The following TMEM150B variants were observed in gnomAD, a reference collection of about 807,000 sequenced individuals.
TMEM150B encodes the protein transmembrane protein 150B, also known as modulator of macroautophagy TMEM150B.
TMEM150B carries 33 observed loss-of-function variants against 25.2 expected under a neutral mutation model. That is an observed-to-expected ratio of 1.31 (90% CI 0.99 to 1.75). The LOEUF is 1.75. TMEM150B is among the 40% of genes most tolerant of loss of function. TMEM150B has a pLI of 0.00. For missense variants in TMEM150B, 322 were observed against 306.1 expected, an observed-to-expected ratio of 1.05 and a Z score of -0.39; for synonymous variants, 133 against 134.8, an observed-to-expected ratio of 0.99 and a Z score of 0.09.
chr19:55,323,832 A>T, intron 1 of TMEM150B, among the ~76,000 whole-genome samples: 1 of 110,224 alleles, frequency 9.1e-6, no homozygotes, highest in African/African-American at 3.6e-5. Flanking sequence ...TCTGAAACAG[A>T]GTCTCCCTCT....
downstream of TMEM150B, chr19:55,311,759 G>T: frequency 1.3e-6 from 1 of 791,060 alleles, no homozygotes; most frequent in Non-Finnish European, 2.0e-6. Flanking sequence ...TCAAGGCCAG[G>T]TGCTGGACGG....
downstream of TMEM150B, among the ~76,000 whole-genome samples, chr19:55,309,986 A>C (rs1333944772): frequency 6.6e-6 from 1 of 152,142 alleles, no homozygotes; most frequent in Non-Finnish European, 1.5e-5. Flanking sequence ...CGTTGAAAGG[A>C]AACGGCCCAG....
chr19:55,316,442 A>G (rs890771130), intron 7 of TMEM150B, among the ~76,000 whole-genome samples: 4 of 152,060 alleles, frequency 2.6e-5, no homozygotes, highest in African/African-American at 9.7e-5. Context: ...GTCACTCGCT[A>G]TGTGCCAGGC....
chr19:55,310,826 C>G (rs564814760), downstream of TMEM150B, among the ~76,000 whole-genome samples: 1 of 152,260 alleles, frequency 6.6e-6, no homozygotes, highest in African/African-American at 2.4e-5. The surrounding 1 kb of genome is among the most constrained non-coding windows in gnomAD (Gnocchi z 5.0). Context: ...AACCAGGGGT[C>G]TCAAAACGGG....
intron 6 of TMEM150B, among the ~76,000 whole-genome samples, chr19:55,319,185 C>G (rs1055338670): frequency 6.6e-6 from 1 of 152,142 alleles, no homozygotes; most frequent in Non-Finnish European, 1.5e-5. Context: ...GGTCTCGGCT[C>G]AATGCAACCT....
At chr19:55,314,221 C>T (rs1299289272) in intron 7 of TMEM150B, among the ~76,000 whole-genome samples, 4 of 152,094 alleles carry the variant, frequency 2.6e-5, no homozygotes, top group African/African-American at 7.2e-5. Flanking sequence ...AGAGTTTCAC[C>T]GTGTTGGCCA....
At chr19:55,324,962 C>CT in intron 1 of TMEM150B, 1 of 837,834 alleles carries the variant, frequency 1.2e-6, no homozygotes, top group African/African-American at 1.8e-5. Context: ...TCCATGCTAC[C>CT]TGCTCCTCCG....
At chr19:55,309,713 C>T (rs2088738821), downstream of TMEM150B, among the ~76,000 whole-genome samples, 1 of 152,186 alleles carries the variant, frequency 6.6e-6, no homozygotes, top group Non-Finnish European at 1.5e-5. Context: ...TGGGTTTCAG[C>T]ACATGAATTT....
intron 2 of TMEM150B, among the ~76,000 whole-genome samples, 154 bp downstream of exon 2, chr19:55,322,494 C>T (rs1014005157): frequency 7.9e-5 from 12 of 152,034 alleles, no homozygotes; most frequent in Admixed American, 7.2e-4. Flanking sequence ...GGGGTCTGAT[C>T]TAATCGGCCA....
At chr19:55,322,778 G>A in intron 1 of TMEM150B, 35 bp from the exon 2 acceptor site, 1 of 969,964 alleles carries the variant, frequency 1.0e-6, no homozygotes, top group South Asian at 4.8e-5. Flanking sequence ...AGGACTGCCT[G>A]GGTCCTTTGG....
chr19:55,318,999 G>A (rs2089099900), intron 6 of TMEM150B, among the ~76,000 whole-genome samples: 1 of 152,104 alleles, frequency 6.6e-6, no homozygotes, highest in South Asian at 2.1e-4. Context: ...TAGAGACAGA[G>A]TCTTGCTATG....
downstream of TMEM150B, chr19:55,312,148 C>G (rs534470101): frequency 9.9e-5 from 64 of 643,982 alleles, no homozygotes; most frequent in African/African-American, 1.1e-3. Context: ...AAATAAGGCC[C>G]AAGGAACATG....
intron 2 of TMEM150B, 31 bp from the exon 3 acceptor site, chr19:55,321,124 G>A (rs1016389643): frequency 1.1e-5 from 16 of 1,511,220 alleles, no homozygotes; most frequent in Admixed American, 4.6e-5. Context: ...GAGGGCCCAG[G>A]TGCATGAGAT....
chr19:55,325,230 C>A, intron 1 of TMEM150B, 42 bp downstream of exon 1: 2 of 976,834 alleles, frequency 2.0e-6, no homozygotes, highest in Non-Finnish European at 2.4e-6. Context: ...AGGGCTCCAG[C>A]CTGCCGAGCT....
downstream of TMEM150B, chr19:55,312,036 C>T (rs766946093): frequency 2.7e-5 from 40 of 1,490,292 alleles, no homozygotes; most frequent in Admixed American, 9.8e-5. Context: ...GGACAAGAAG[C>T]TCCTGGCCAC....
chr19:55,319,987 T>TG (rs762608963), intron 6 of TMEM150B, 52 bp downstream of exon 6: 5 of 1,610,626 alleles, frequency 3.1e-6, no homozygotes, highest in Non-Finnish European at 4.2e-6. Flanking sequence ...TGCTGGGAGT[T>TG]GTAGTTCCAG....
At chr19:55,312,342 C>T (rs1291212727), downstream of TMEM150B, 19 of 190,880 alleles carry the variant, frequency 1.0e-4, no homozygotes, top group Non-Finnish European at 1.3e-4. Flanking sequence ...GGGGGAGGGA[C>T]GGGAGCTGGT....
downstream of TMEM150B, among the ~76,000 whole-genome samples, chr19:55,311,337 T>C (rs2088789280): frequency 6.6e-6 from 1 of 152,022 alleles, no homozygotes; most frequent in Non-Finnish European, 1.5e-5. Context: ...CCATGGAAAT[T>C]GCTGGAGACC....
intron 1 of TMEM150B, chr19:55,324,654 TAAATA>T (rs891595407): frequency 1.1e-6 from 1 of 918,772 alleles, no homozygotes; most frequent in African/African-American, 1.8e-5. Context: ...TCTCCAAAAA[TAAATA>T]AAATAAAATA....
Sources: allele counts gnomAD v4.1 joint callset (sites outside exome capture counted in the v4.1 genomes callset), GRCh38; gene constraint gnomAD v4.1.1; non-coding constraint Gnocchi (gnomAD v3.1); transcripts MANE v1.5; gene names NCBI Gene and HGNC (gene_info 2026-07-23, HGNC 2026-07-21).